Variants in BCL2 observed in about 807,000 individuals in gnomAD.
BCL2 encodes apoptosis regulator Bcl-2.
A neutral mutation model predicts 14.2 loss-of-function variants in BCL2; 1 was observed. That is an observed-to-expected ratio of 0.07 (90% CI 0.02 to 0.33). The LOEUF (loss-of-function observed/expected upper bound fraction) is 0.33. BCL2 is among the 10% of genes least tolerant of loss of function. The pLI is 0.99. For synonymous variants in BCL2, 151 were observed against 137.2 expected, an observed-to-expected ratio of 1.10 and a Z score of -0.70; for missense variants, 247 against 305.9, an observed-to-expected ratio of 0.81 and a Z score of 1.44.
rs188180829 is a variant in BCL2 at position 63,201,757 on chromosome 18, C to T, written c.586-72998G>A. Reference sequence around the variant, plus strand: ...AAACCTAACACCACATGTTCTCACTCGTAAGTAGGAGTTGAACAATGAGAA... The same window carrying T: ...AAACCTAACACCACATGTTCTCACTTGTAAGTAGGAGTTGAACAATGAGAA... On this transcript the variant is annotated intron_variant, in intron 2 of 2. Coordinates refer to ENST00000333681, the MANE Select transcript of BCL2 (RefSeq NM_000633.3). Among the ~76,000 whole-genome samples, 75 of 151,994 alleles carry T rather than the reference C, an allele frequency of 4.9e-4. 2 individuals carry two copies. The East Asian group carries it at 0.014, about 27-fold the overall frequency.
chr18:63,243,663 G>C (rs17070877), intron 2 of BCL2, among the ~76,000 whole-genome samples: 2,189 of 152,240 alleles, frequency 0.014, 52 homozygotes, highest in African/African-American at 0.049. Context: ...CCGGGAAATC[G>C]AGCATGGGAA....
intron 2 of BCL2, among the ~76,000 whole-genome samples, chr18:63,261,022 C>A (rs1184778593): frequency 6.6e-6 from 1 of 152,178 alleles, no homozygotes; most frequent in African/African-American, 2.4e-5. Context: ...GGCTCCATTC[C>A]TTCTCGAGGG....
At chr18:63,145,824 C>T (rs982224437) in intron 2 of BCL2, among the ~76,000 whole-genome samples, 5 of 152,182 alleles carry the variant, frequency 3.3e-5, no homozygotes, top group African/African-American at 7.2e-5. Context: ...TCACAGCATC[C>T]TTCATGCACA....
Position 63,318,971 on chromosome 18 carries a change from A to T in BCL2, c.-286-19T>A. On this transcript the variant is annotated intron_variant, in intron 1 of 2. Coordinates refer to ENST00000333681, the MANE Select transcript of BCL2 (RefSeq NM_000633.3). This position sits in a 1 kb window ranked among gnomAD's most constrained non-coding sequence, Gnocchi z 7.4. ...TGTGATGCTGAAAGGTTAAAGAAAA[A>T]ACAAACTAATAAGTAAAAAATCAGG... is the stretch of plus-strand genomic sequence containing the variant. 1 of 1,274,818 alleles carries T rather than the reference A, an allele frequency of 7.8e-7. No individual in the cohort carries two copies. Among genetic ancestry groups the T allele is most frequent in the Non-Finnish European group, 1.0e-6 (1 of 1,000,790 alleles). 79.0% of individuals were successfully genotyped at this position (1,274,818 alleles called of 1,614,324 possible). A position where few individuals can be genotyped will look rare whatever the true frequency, so the allele number is the denominator to read the frequency against.
Position 63,125,956 on chromosome 18 carries a change from C to T in BCL2, c.*2669G>A. 1 of 211,156 alleles carries T rather than the reference C, an allele frequency of 4.7e-6. No individual in the cohort carries two copies. The highest frequency in any genetic ancestry group is 9.6e-6 in the Non-Finnish European group (1 of 103,638). The allele number at this position is 211,156 out of a possible 1,614,324, so 13.1% of individuals were successfully genotyped here. A position where few individuals can be genotyped will look rare whatever the true frequency, so the allele number is the denominator to read the frequency against. On this transcript the variant is annotated 3_prime_UTR_variant, in exon 3 of 3. Transcript: ENST00000333681. ...AAATACTCTGTGAATCCCGTTTGAA[C>T]AACAACAAAAGACAAAACAGGCTTT...
At chr18:63,160,356 G>C (rs991961632) in intron 2 of BCL2, among the ~76,000 whole-genome samples, 6 of 152,296 alleles carry the variant, frequency 3.9e-5, no homozygotes, top group Middle Eastern at 6.8e-3. Flanking sequence ...CCGCCCTGTC[G>C]GCACTCAGAT....
At chr18:63,226,631 A>G (rs1376862865) in intron 2 of BCL2, among the ~76,000 whole-genome samples, 1 of 152,194 alleles carries the variant, frequency 6.6e-6, no homozygotes, top group Non-Finnish European at 1.5e-5. Flanking sequence ...TACATGCTGT[A>G]TGATTGGATT....
At chr18:63,172,258 T>G (rs1312607751) in intron 2 of BCL2, among the ~76,000 whole-genome samples, 3 of 152,224 alleles carry the variant, frequency 2.0e-5, no homozygotes, top group African/African-American at 7.2e-5. Flanking sequence ...CATCCTTTCA[T>G]TCACGTACTC....
In BCL2 at chr18:63,125,248, A is replaced by C. The variant is rs1913881210; in HGVS notation, c.*3377T>G. On this transcript the variant is annotated 3_prime_UTR_variant, in exon 3 of 3. Coordinates refer to ENST00000333681, the MANE Select transcript of BCL2 (RefSeq NM_000633.3). ...ACACAGAGAGGTAAGTGAGCTGTGG[A>C]GAGAATGTTGGCGTCTTGTTTGAAC... 2 of 226,376 alleles carry C rather than the reference A, an allele frequency of 8.8e-6. No individual in the cohort carries two copies. Among genetic ancestry groups the C allele is most frequent in the South Asian group, 3.7e-4 (2 of 5,464 alleles). The allele number at this position is 226,376 out of a possible 1,614,324, so 14.0% of individuals were successfully genotyped here.
At chr18:63,186,912 A>G (rs1915605705) in intron 2 of BCL2, among the ~76,000 whole-genome samples, 1 of 152,234 alleles carries the variant, frequency 6.6e-6, no homozygotes, top group Non-Finnish European at 1.5e-5. Context: ...TTTTGTCCTG[A>G]CAAATAAAAA....
intron 2 of BCL2, among the ~76,000 whole-genome samples, chr18:63,265,113 C>A (rs1212464212): frequency 6.6e-6 from 1 of 152,052 alleles, no homozygotes; most frequent in Non-Finnish European, 1.5e-5. Context: ...TGTCGCCAAT[C>A]AAAATAAACA....
At chr18:63,250,210 C>G (rs1911271406) in intron 2 of BCL2, among the ~76,000 whole-genome samples, 2 of 152,236 alleles carry the variant, frequency 1.3e-5, no homozygotes. Context: ...GTGGCTGCAA[C>G]TACTACCGCT....
chr18:63,182,675 A>G (rs1189700164), intron 2 of BCL2, among the ~76,000 whole-genome samples: 2 of 152,158 alleles, frequency 1.3e-5, no homozygotes, highest in African/African-American at 2.4e-5. Flanking sequence ...AGACCATAAA[A>G]CAGGCTTCAT....
At position 63,274,946 on chromosome 18, in the gene BCL2, G is replaced by A. The variant is rs544060183; in HGVS notation, c.585+43136C>T. Among the ~76,000 whole-genome samples the A allele has an allele frequency of 5.9e-5, 9 of 152,174 alleles. No homozygotes were observed. The East Asian group carries it at 9.7e-4, about 16-fold the overall frequency. On this transcript the variant is annotated intron_variant, in intron 2 of 2. Coordinates refer to ENST00000333681, the MANE Select transcript of BCL2 (RefSeq NM_000633.3). ...TATTACATTTGGGTCCTACATTCACGGGCCCAAACACCTATTGACCAACAC... is the reference window on the plus strand; with the variant it reads ...TATTACATTTGGGTCCTACATTCACAGGCCCAAACACCTATTGACCAACAC...
intron 2 of BCL2, among the ~76,000 whole-genome samples, chr18:63,242,651 C>T (rs1264472265): frequency 6.6e-6 from 1 of 152,154 alleles, no homozygotes; most frequent in African/African-American, 2.4e-5. Context: ...CATCCCCCCT[C>T]ACCCCTGCCA....
At chr18:63,181,907 G>T (rs932389506) in intron 2 of BCL2, among the ~76,000 whole-genome samples, 1 of 152,134 alleles carries the variant, frequency 6.6e-6, no homozygotes, top group Non-Finnish European at 1.5e-5. Flanking sequence ...GGTTCCTCAC[G>T]TCCAAGTGCA....
At position 63,266,637 on chromosome 18, in the gene BCL2, T is replaced by TCTCTCTCACACA. The variant is rs1491465885; in HGVS notation, c.585+51444_585+51445insTGTGTGAGAGAG. Among the ~76,000 whole-genome samples, 385 of 85,984 alleles carry TCTCTCTCACACA rather than the reference T, an allele frequency of 4.5e-3. 2 individuals are homozygous for TCTCTCTCACACA. Among genetic ancestry groups the TCTCTCTCACACA allele is most frequent in the African/African-American group, 0.011 (305 of 27,670 alleles). The allele number at this position is 85,984 out of a possible 152,430, so 56.4% of individuals were successfully genotyped here. On this transcript the variant is annotated intron_variant, in intron 2 of 2. Coordinates refer to ENST00000333681, the MANE Select transcript of BCL2 (RefSeq NM_000633.3). ...CTCTCTCTCTCTCTCTCTCTCTCTC[T>TCTCTCTCACACA]CACACACACACACACACACAAAAAT...
At chr18:63,306,894 G>A (rs996105507) in intron 2 of BCL2, among the ~76,000 whole-genome samples, 6 of 145,206 alleles carry the variant, frequency 4.1e-5, no homozygotes, top group African/African-American at 1.0e-4. Flanking sequence ...CGTATTTTAC[G>A]TGTGGCCCAA....
intron 2 of BCL2, among the ~76,000 whole-genome samples, chr18:63,236,920 A>G (rs1453275842): frequency 6.6e-6 from 1 of 152,300 alleles, no homozygotes; most frequent in South Asian, 2.1e-4. Context: ...GTGAAATTCT[A>G]GACTCTTCAT....
Sources: gnomAD v4.1 joint callset for allele counts (sites outside exome capture counted in the v4.1 genomes callset) on GRCh38, gnomAD v4.1.1 for gene constraint, Gnocchi (gnomAD v3.1) non-coding constraint, MANE v1.5 for transcripts, NCBI Gene and HGNC (gene_info 2026-07-23, HGNC 2026-07-21) for gene names.